Variants in PATZ1 observed in about 807,000 individuals in gnomAD.
The protein encoded by PATZ1 is POZ-, AT hook-, and zinc finger-containing protein 1.
In PATZ1, 9 loss-of-function variants were observed where a neutral mutation model predicts 46.2. The observed-to-expected ratio is 0.19, with a 90% CI of 0.12 to 0.34. The LOEUF is 0.34. Ranked by LOEUF, PATZ1 falls within the 10% of genes least tolerant of loss-of-function variation. The pLI is 1.00. For synonymous variants in PATZ1, 426 were observed against 378.6 expected, an observed-to-expected ratio of 1.13 and a Z score of -1.45; for missense variants, 632 against 923.0, an observed-to-expected ratio of 0.68 and a Z score of 4.08.
At chr22:31,334,673 G>C (rs773566052) in intron 3 of PATZ1, among the ~76,000 whole-genome samples, 2 of 152,116 alleles carry the variant, frequency 1.3e-5, no homozygotes, top group Admixed American at 6.6e-5. Flanking sequence ...CCTGTGAGGT[G>C]GGAAAGGGGG....
intron 2 of PATZ1, among the ~76,000 whole-genome samples, chr22:31,336,378 A>C (rs2145820031): frequency 6.6e-6 from 1 of 152,354 alleles, no homozygotes; most frequent in Middle Eastern, 3.4e-3. Flanking sequence ...AATGGAAAGG[A>C]AAGGCAGGAC....
chr22:31,329,758 G>A (rs2049414719), intron 3 of PATZ1, among the ~76,000 whole-genome samples: 1 of 152,144 alleles, frequency 6.6e-6, no homozygotes, highest in Admixed American at 6.6e-5. Context: ...ATCTCAGGCT[G>A]GGAAGAACAC....
intron 2 of PATZ1, chr22:31,341,314 C>T: frequency 6.8e-7 from 1 of 1,477,922 alleles, no homozygotes; most frequent in Non-Finnish European, 9.0e-7. Flanking sequence ...GGGCAGGAAC[C>T]ACCCTGCTAG....
At position 31,342,003 on chromosome 22, in the gene PATZ1, C is replaced by T. The variant is rs117111503; in HGVS notation, c.1335+894G>A. On this transcript the variant is annotated intron_variant, in intron 2 of 4. Transcript: ENST00000266269. ...TGCTGGTCTCCCTGAACCCTCTCCC[C>T]TTGCCACCAACAGGATAAGGAGAAG... 1.9e-4 allele frequency among the ~76,000 whole-genome samples: 29 copies of T among 152,334 alleles called. No homozygotes were observed. In the East Asian group the frequency reaches 5.6e-3, roughly 29 times the overall value.
chr22:31,328,731 G>GC lies in PATZ1; in HGVS notation c.1645+55dup. 2 of 1,557,966 alleles carry GC rather than the reference G, an allele frequency of 1.3e-6. No individual in the cohort carries two copies. The highest frequency in any genetic ancestry group is 1.8e-6 in the Non-Finnish European group (2 of 1,131,486). ...CCCGCCTCCCCACGCCCAGCCCAGC[G>GC]CCCCCACAACACAGTCTGCGCAGAG... On this transcript the variant is annotated intron_variant, in intron 4 of 4. Transcript: ENST00000266269. This position sits in a 1 kb window ranked among gnomAD's most constrained non-coding sequence, Gnocchi z 4.8.
chr22:31,338,959 T>G (rs2049546558), intron 2 of PATZ1, among the ~76,000 whole-genome samples: 1 of 152,148 alleles, frequency 6.6e-6, no homozygotes, highest in Non-Finnish European at 1.5e-5. Context: ...GAAAGCATAT[T>G]CAGGATTTTG....
chr22:31,326,733 G>A lies in PATZ1; in HGVS notation c.*158C>T. 1 of 619,576 alleles carries A rather than the reference G, an allele frequency of 1.6e-6. No individual in the cohort carries two copies. The highest frequency in any genetic ancestry group is 2.8e-6 in the Non-Finnish European group (1 of 354,134). The allele number at this position is 619,576 out of a possible 1,614,324, so 38.4% of individuals were successfully genotyped here. A position where few individuals can be genotyped will look rare whatever the true frequency, so the allele number is the denominator to read the frequency against. On this transcript the variant is annotated 3_prime_UTR_variant, in exon 5 of 5. Transcript: ENST00000266269. ...AATCTATTTCTAAAGACCATTGGGA[G>A]AATGGGTGGTGGAGAAGGAGTTGGA...
In PATZ1 at chr22:31,345,004, T is replaced by C. The variant is rs1282168710; in HGVS notation, c.599A>G (p.Asn200Ser). The C allele has an allele frequency of 1.9e-6, 3 of 1,613,964 alleles. No homozygotes were observed. Among genetic ancestry groups the C allele is most frequent in the African/African-American group, 1.3e-5 (1 of 74,948 alleles). The change falls in exon 1 of 5, where the codon AAT becomes AGT. Residue 200 changes from asparagine to serine, a missense_variant. Around this residue, in one of 7 missense-constraint regions of PATZ1, gnomAD observed 279 missense variants for 284.3 expected, o/e 0.98. Transcript: ENST00000266269. The surrounding 1 kb of genome is among the most constrained non-coding windows in gnomAD (Gnocchi z 7.4). ...TGGCTGCATGCTGCCGGCGATGCCA[T>C]TGCTGTTGGCTGCCAAGGCTGCCCC... ...TNGAALAANS[N>S]GIAGSMQPEE...
In PATZ1 at chr22:31,345,219, C is replaced by T; in HGVS notation, c.384G>A (p.Val128=). Residue 128 remains valine (V), a synonymous_variant, in exon 1 of 5, where the codon GTG becomes GTA. Transcript: ENST00000266269. The surrounding 1 kb of genome is among the most constrained non-coding windows in gnomAD (Gnocchi z 7.4). ...TGAGTTCGGGAAAGCTCTCCAAGCG[C>T]ACCACGATGCGGGAAGTGTAGGCGA... ...LDFAYTSRIV[V]RLESFPELMT... is the part of the protein sequence containing the mutation. 1 of 1,613,800 alleles carries T rather than the reference C, an allele frequency of 6.2e-7. No individual in the cohort carries two copies. The highest frequency in any genetic ancestry group is 8.5e-7 in the Non-Finnish European group (1 of 1,179,790).
rs2049394921 is a variant in PATZ1 at position 31,328,497 on chromosome 22, G to A, written c.1645+290C>T. On this transcript the variant is annotated intron_variant, in intron 4 of 4. Coordinates refer to ENST00000266269, the MANE Select transcript of PATZ1 (RefSeq NM_014323.3). This position sits in a 1 kb window ranked among gnomAD's most constrained non-coding sequence, Gnocchi z 4.8. ...GGGCTCTTCTTCTGCCCAGGGCCCG[G>A]GGCATCCCTGCAGGGCTCCAGACAG... Among the ~76,000 whole-genome samples the A allele has an allele frequency of 6.6e-6, 1 of 152,212 alleles. No individual in the cohort carries two copies. The highest frequency in any genetic ancestry group is 2.4e-5 in the African/African-American group (1 of 41,456).
Position 31,328,965 on chromosome 22 carries a change from GA to G in PATZ1, c.1508-42del, listed in dbSNP as rs765913756. 3.3e-6 allele frequency: 5 copies of G among 1,533,424 alleles called. No homozygotes were observed. The highest frequency in any genetic ancestry group is 4.4e-6 in the Non-Finnish European group (5 of 1,147,986). 95.0% of individuals were successfully genotyped at this position (1,533,424 alleles called of 1,614,324 possible). A position where few individuals can be genotyped will look rare whatever the true frequency, so the allele number is the denominator to read the frequency against. ...GGAGATGAGATCCCGCGGCCAGCAA[GA>G]GATACCTCTCTCCTTCCCCCAACTC... On this transcript the variant is annotated intron_variant, in intron 3 of 4. Coordinates refer to ENST00000266269, the MANE Select transcript of PATZ1 (RefSeq NM_014323.3). The surrounding 1 kb of genome is among the most constrained non-coding windows in gnomAD (Gnocchi z 4.8).
Position 31,328,760 on chromosome 22 carries a change from CA to C in PATZ1, c.1645+26del. 6.2e-7 allele frequency: 1 copy of C among 1,609,416 alleles called. No individual in the cohort carries two copies. The highest frequency in any genetic ancestry group is 2.2e-5 in the East Asian group (1 of 44,866). On this transcript the variant is annotated intron_variant, in intron 4 of 4. Coordinates refer to ENST00000266269, the MANE Select transcript of PATZ1 (RefSeq NM_014323.3). The surrounding 1 kb of genome is among the most constrained non-coding windows in gnomAD (Gnocchi z 4.8). Reference sequence around the variant, plus strand: ...CCACAACACAGTCTGCGCAGAGAAGCAAAGTGCAGAGCAAGGGGTCGCTTGC... The same window carrying C: ...CCACAACACAGTCTGCGCAGAGAAGCAAGTGCAGAGCAAGGGGTCGCTTGC...
At chr22:31,333,476 C>CTTT (rs71319182) in intron 3 of PATZ1, among the ~76,000 whole-genome samples, 57 of 128,746 alleles carry the variant, frequency 4.4e-4, no homozygotes, top group African/African-American at 1.2e-3. Context: ...TATCCTCTTC[C>CTTT]TTTTTTTTTT....
chr22:31,345,349 G>C lies in PATZ1; in HGVS notation c.254C>G (p.Ala85Gly). 6.2e-7 allele frequency: 1 copy of C among 1,607,752 alleles called. No individual in the cohort carries two copies. The highest frequency in any genetic ancestry group is 1.1e-5 in the South Asian group (1 of 90,632). Residue 85 changes from alanine to glycine, a missense_variant, in exon 1 of 5, where the codon GCT (alanine) becomes GGT (glycine). By Grantham distance (60) the Ala-to-Gly change is moderately conservative. Coordinates refer to ENST00000266269, the MANE Select transcript of PATZ1 (RefSeq NM_014323.3). The surrounding 1 kb of genome is among the most constrained non-coding windows in gnomAD (Gnocchi z 7.4). ...TGCTGCCGTCGCGCCCCCTACATCAGCCGGACCCCCGTCCGCAGCTCCGCC... is the reference window on the plus strand; with the variant it reads ...TGCTGCCGTCGCGCCCCCTACATCACCCGGACCCCCGTCCGCAGCTCCGCC... ...GDGGAADGGP[A>G]DVGGATAAPG... is the part of the protein sequence containing the mutation.
At chr22:31,337,640 T>TTGTG (rs149331707) in intron 2 of PATZ1, 1 of 152,072 alleles carries the variant, frequency 6.6e-6, no homozygotes, top group African/African-American at 2.4e-5. Context: ...CTCATTTCTT[T>TTGTG]TGTGTGTGTG....
intron 3 of PATZ1, among the ~76,000 whole-genome samples, chr22:31,335,020 A>G (rs529433195): frequency 4.5e-4 from 68 of 152,242 alleles, no homozygotes; most frequent in African/African-American, 1.6e-3. Flanking sequence ...AGCACTTCCA[A>G]CAGCCAACTA....
chr22:31,333,294 A>G (rs1180254519), intron 3 of PATZ1, among the ~76,000 whole-genome samples: 2 of 152,184 alleles, frequency 1.3e-5, no homozygotes, highest in African/African-American at 2.4e-5. Flanking sequence ...TTCAATCTTA[A>G]CTGTTCTGAC....
intron 1 of PATZ1, chr22:31,343,522 GGT>G (rs955449394): frequency 3.8e-6 from 3 of 798,422 alleles, no homozygotes; most frequent in Non-Finnish European, 4.6e-6. Context: ...ACTGGTTCCT[GGT>G]CGGGGCCCTC....
At position 31,344,759 on chromosome 22, in the gene PATZ1, A is replaced by G; in HGVS notation, c.844T>C (p.Ser282Pro). ...KANLLDSMFG[S>P]PGGLREAGIL... The stretch of plus-strand genomic sequence containing the variant: ...CCTGCCTCCCTCAGGCCCCCTGGGG[A>G]CCCAAACATTGAGTCCAGCAGGTTG... Residue 282 changes from serine to proline, a missense_variant, in exon 1 of 5, where the codon TCC (serine) becomes CCC (proline). Transcript: ENST00000266269. 1 of 1,609,566 alleles carries G rather than the reference A, an allele frequency of 6.2e-7. No individual in the cohort carries two copies. Among genetic ancestry groups the G allele is most frequent in the Non-Finnish European group, 8.5e-7 (1 of 1,177,412 alleles).
Sources: allele counts gnomAD v4.1 joint callset (sites outside exome capture counted in the v4.1 genomes callset), GRCh38; gene constraint gnomAD v4.1.1; regional missense constraint gnomAD v4.1.1; non-coding constraint Gnocchi (gnomAD v3.1); transcripts MANE v1.5; gene names NCBI Gene and HGNC (gene_info 2026-07-23, HGNC 2026-07-21).